Variants in GBE1 observed in about 807,000 individuals in gnomAD.
GBE1 encodes the protein 1,4-alpha-glucan-branching enzyme.
GBE1 carries 70 observed loss-of-function variants against 88.8 expected under a neutral mutation model. The observed-to-expected ratio is 0.79, with a 90% CI of 0.65 to 0.96. The LOEUF (loss-of-function observed/expected upper bound fraction) is 0.96, where lower values mean the gene tolerates loss of function less well. Ranked by LOEUF, GBE1 falls within the 40% of genes least tolerant of loss-of-function variation. GBE1 has a pLI of 0.00. For missense variants in GBE1, 872 were observed against 871.0 expected, an observed-to-expected ratio of 1.00 and a Z score of -0.01; for synonymous variants, 284 against 300.1, an observed-to-expected ratio of 0.95 and a Z score of 0.56.
chr3:81,759,932 A>C (rs191584957), intron 1 of GBE1, among the ~76,000 whole-genome samples: 10 of 152,324 alleles, frequency 6.6e-5, no homozygotes, highest in African/African-American at 2.2e-4. Flanking sequence ...CAAAGCACAC[A>C]GGTAAATTAA....
chr3:81,626,286 TACAAAACAAAAG>T (rs1704413159), intron 7 of GBE1, among the ~76,000 whole-genome samples: 1 of 152,142 alleles, frequency 6.6e-6, no homozygotes, highest in African/African-American at 2.4e-5. Context: ...GGATATTCTT[TACAAAACAAAAG>T]TAAAACGACC....
chr3:81,663,243 C>T (rs1273050112), intron 3 of GBE1, among the ~76,000 whole-genome samples: 1 of 152,148 alleles, frequency 6.6e-6, no homozygotes, highest in Non-Finnish European at 1.5e-5. Context: ...CCTGGCCCGC[C>T]AGGAACCATC....
At chr3:81,743,682 TC>T in intron 1 of GBE1, 1 of 1,130,806 alleles carries the variant, frequency 8.8e-7, no homozygotes, top group East Asian at 2.8e-5. Flanking sequence ...TCACCTGATC[TC>T]AGTCATTTTA....
chr3:81,761,060 G>A (rs1353922894), intron 1 of GBE1, among the ~76,000 whole-genome samples: 4 of 152,240 alleles, frequency 2.6e-5, no homozygotes, highest in African/African-American at 7.2e-5. Flanking sequence ...TCACTCCCCA[G>A]CAGCACTCTG....
chr3:81,730,898 G>A (rs1034697752), intron 1 of GBE1, among the ~76,000 whole-genome samples: 2 of 152,096 alleles, frequency 1.3e-5, no homozygotes, highest in African/African-American at 4.8e-5. Context: ...GTTTTGCTGT[G>A]CTACCTTATA....
intron 7 of GBE1, among the ~76,000 whole-genome samples, chr3:81,634,327 A>T (rs900998412): frequency 5.9e-5 from 9 of 152,238 alleles, no homozygotes; most frequent in African/African-American, 1.9e-4. Context: ...TGAAACTGAA[A>T]CTCAAATGTA....
intron 3 of GBE1, 118 bp downstream of exon 3, chr3:81,670,720 C>T (rs1705177714): frequency 1.7e-6 from 1 of 599,636 alleles, no homozygotes; most frequent in South Asian, 2.4e-5. Flanking sequence ...TACATTTAGA[C>T]TGTTTCTCCC....
rs3821554 is a variant in GBE1, at chr3:81,585,860, G to T, written c.1335+232C>A. Reference sequence around the variant, plus strand: ...AAAATTCCATTTATACAGCTAACATGATATTAATCATATTTTCCCTTTGCC... The same window carrying T: ...AAAATTCCATTTATACAGCTAACATTATATTAATCATATTTTCCCTTTGCC... On this transcript the variant is annotated intron_variant, in intron 10 of 15. Transcript: ENST00000429644. Among the ~76,000 whole-genome samples the T allele has an allele frequency of 0.65, 99,108 of 152,046 alleles. 34,032 individuals carry two copies. The highest frequency in any genetic ancestry group is 0.92 in the East Asian group (4,745 of 5,182).
chr3:81,728,222 A>T (rs944410891), intron 1 of GBE1, among the ~76,000 whole-genome samples: 6 of 152,162 alleles, frequency 3.9e-5, no homozygotes, highest in African/African-American at 1.4e-4. Context: ...ATATCATAGA[A>T]TCAAAAACGT....
At chr3:81,551,104 G>T (rs753305458) in intron 12 of GBE1, among the ~76,000 whole-genome samples, 4 of 152,120 alleles carry the variant, frequency 2.6e-5, no homozygotes, top group Admixed American at 6.6e-5. Flanking sequence ...TCCCTTAAAA[G>T]ATACAAGCCA....
chr3:81,669,277 AGT>A (rs535407216), intron 3 of GBE1, among the ~76,000 whole-genome samples: 2 of 152,220 alleles, frequency 1.3e-5, no homozygotes, highest in African/African-American at 2.4e-5. Flanking sequence ...GTAAAAACTC[AGT>A]AAAGTTAATC....
intron 12 of GBE1, among the ~76,000 whole-genome samples, chr3:81,568,761 G>A (rs1206916975): frequency 1.3e-5 from 2 of 152,094 alleles, no homozygotes; most frequent in Non-Finnish European, 2.9e-5. Flanking sequence ...CTGTATCTGT[G>A]TTAGACACGA....
chr3:81,654,345 A>G (rs1243735412), intron 3 of GBE1, among the ~76,000 whole-genome samples: 2 of 151,838 alleles, frequency 1.3e-5, no homozygotes, highest in African/African-American at 2.4e-5. Context: ...GTGTGTGTTC[A>G]TTCATGCTTG....
intron 12 of GBE1, among the ~76,000 whole-genome samples, chr3:81,561,541 T>C (rs917919033): frequency 6.6e-6 from 1 of 152,058 alleles, no homozygotes; most frequent in Non-Finnish European, 1.5e-5. Flanking sequence ...AGTGGCGGTA[T>C]ATAAAATTTA....
chr3:81,748,645 T>C (rs147709151), intron 1 of GBE1, among the ~76,000 whole-genome samples: 248 of 151,222 alleles, frequency 1.6e-3, no homozygotes, highest in Middle Eastern at 6.9e-3. Context: ...AAATTAATGA[T>C]AATACCAAAT....
At chr3:81,653,154 C>T (rs1576186490) in intron 3 of GBE1, among the ~76,000 whole-genome samples, 1 of 152,104 alleles carries the variant, frequency 6.6e-6, no homozygotes, top group East Asian at 1.9e-4. Context: ...TGACAATCTG[C>T]ATCAAAAATT....
chr3:81,747,275 G>C (rs145988919), intron 1 of GBE1, among the ~76,000 whole-genome samples: 36 of 152,280 alleles, frequency 2.4e-4, no homozygotes, highest in African/African-American at 8.7e-4. Context: ...ATTTTGCTCT[G>C]TGAAAGACTC....
At chr3:81,756,809 AC>A (rs1417638002) in intron 1 of GBE1, among the ~76,000 whole-genome samples, 10 of 152,210 alleles carry the variant, frequency 6.6e-5, no homozygotes, top group Admixed American at 1.3e-4. Context: ...TGAGGGCTAA[AC>A]CAAAACATGT....
intron 2 of GBE1, among the ~76,000 whole-genome samples, chr3:81,694,699 G>C (rs1019270574): frequency 6.6e-6 from 1 of 152,140 alleles, no homozygotes; most frequent in Non-Finnish European, 1.5e-5. Flanking sequence ...CAATAACCAA[G>C]ACAACCCAAG....
Sources: gnomAD v4.1 joint callset for allele counts (sites outside exome capture counted in the v4.1 genomes callset) on GRCh38, gnomAD v4.1.1 for gene constraint, MANE v1.5 for transcripts, NCBI Gene and HGNC (gene_info 2026-07-23, HGNC 2026-07-21) for gene names.